The following NRXN3 variants were observed in gnomAD, a reference collection of about 807,000 sequenced individuals.
NRXN3 encodes the protein neurexin III.
A neutral mutation model predicts 137.6 loss-of-function variants in NRXN3; 32 were observed. That is an observed-to-expected ratio of 0.23 (90% confidence interval 0.18 to 0.31). The LOEUF (loss-of-function observed/expected upper bound fraction) is 0.31, where lower values mean the gene tolerates loss of function less well. Among genes scored for constraint, NRXN3 ranks in the 10% least tolerant of loss-of-function variants. The probability of loss-of-function intolerance (pLI) is 1.00; values close to 1 mark genes in which losing one functional copy is unlikely to be tolerated. For missense variants in NRXN3, 1,574 were observed against 2,062.5 expected, an observed-to-expected ratio of 0.76 and a Z score of 4.59; for synonymous variants, 798 against 784.5, an observed-to-expected ratio of 1.02 and a Z score of -0.29.
At chr14:79,435,552 T>G (rs2095832042) in intron 15 of NRXN3, among the ~76,000 whole-genome samples, 1 of 150,406 alleles carries the variant, frequency 6.6e-6, no homozygotes. Flanking sequence ...GAATACCTCT[T>G]TCTTTTCCTT....
intron 4 of NRXN3, among the ~76,000 whole-genome samples, chr14:78,430,123 A>G (rs531831954): frequency 1.3e-5 from 2 of 152,320 alleles, no homozygotes. Context: ...CTACAGTCCC[A>G]GCCACTCGGG....
chr14:78,724,538 C>CATTAG (rs112804915), intron 8 of NRXN3, among the ~76,000 whole-genome samples: 1 of 151,690 alleles, frequency 6.6e-6, no homozygotes, highest in Non-Finnish European at 1.5e-5. Context: ...AATGAGTGGT[C>CATTAG]AATAGAATAG....
intron 15 of NRXN3, among the ~76,000 whole-genome samples, chr14:79,251,456 A>G (rs1446778981): frequency 1.3e-5 from 2 of 152,192 alleles, no homozygotes; most frequent in Non-Finnish European, 2.9e-5. Context: ...TGATGTCATT[A>G]ACTACAGTAT....
At chr14:79,725,621 C>T (rs1360129338) in intron 19 of NRXN3, among the ~76,000 whole-genome samples, 1 of 152,030 alleles carries the variant, frequency 6.6e-6, no homozygotes, top group Non-Finnish European at 1.5e-5. Context: ...CTTTCTTGTT[C>T]CATTCAAAGA....
chr14:78,620,322 G>A (rs746372434), intron 4 of NRXN3, among the ~76,000 whole-genome samples: 4 of 152,132 alleles, frequency 2.6e-5, no homozygotes, highest in Non-Finnish European at 2.9e-5. Flanking sequence ...TTTGGATAGC[G>A]CAATCCTTAG....
rs116865695 is a variant in NRXN3 at position 78,437,629 on chromosome 14, G to A, written c.757+139769G>A. On this transcript the variant is annotated intron_variant, in intron 4 of 20. Transcript: ENST00000335750. ...CTCTCAAAGTGCTGAGATTACAGGT[G>A]TGATGAGCCCAGCCCATCCTGTGGT... Among the ~76,000 whole-genome samples the A allele has an allele frequency of 3.7e-3, 557 of 152,288 alleles. 24 individuals carry two copies. The East Asian group carries it at 0.066, about 18-fold the overall frequency.
intron 15 of NRXN3, among the ~76,000 whole-genome samples, chr14:79,199,703 T>C (rs532287747): frequency 6.6e-6 from 1 of 152,322 alleles, no homozygotes; most frequent in South Asian, 2.1e-4. Context: ...AAAGTTGGCC[T>C]GGTACTGGAT....
chr14:78,961,999 A>T (rs1163943795), intron 11 of NRXN3, among the ~76,000 whole-genome samples: 1 of 152,206 alleles, frequency 6.6e-6, no homozygotes, highest in Non-Finnish European at 1.5e-5. Flanking sequence ...ACATTCTGAT[A>T]CTGGGCCATA....
intron 15 of NRXN3, among the ~76,000 whole-genome samples, chr14:79,466,345 T>C (rs1037685129): frequency 6.6e-6 from 1 of 152,176 alleles, no homozygotes; most frequent in African/African-American, 2.4e-5. Context: ...CTCAGCACTT[T>C]GGGTGGCCAA....
chr14:78,527,234 C>A (rs975744113), intron 4 of NRXN3, among the ~76,000 whole-genome samples: 5 of 152,192 alleles, frequency 3.3e-5, no homozygotes, highest in Admixed American at 6.5e-5. Context: ...GCTCATGGTA[C>A]TGCAGGCTGT....
chr14:79,387,346 G>A (rs1464881766), intron 15 of NRXN3, among the ~76,000 whole-genome samples: 1 of 152,072 alleles, frequency 6.6e-6, no homozygotes, highest in East Asian at 1.9e-4. Flanking sequence ...AAAGAAACAT[G>A]AAAAAATGCT....
intron 2 of NRXN3, among the ~76,000 whole-genome samples, chr14:78,264,824 G>A (rs1369665504): frequency 6.6e-6 from 1 of 152,228 alleles, no homozygotes; most frequent in Non-Finnish European, 1.5e-5. Context: ...CTCAGCCAGT[G>A]TAGTGGGTCT....
intron 11 of NRXN3, among the ~76,000 whole-genome samples, chr14:78,960,427 C>T (rs2099405880): frequency 6.6e-6 from 1 of 152,082 alleles, no homozygotes. Context: ...TTTAAGGCCC[C>T]CCTAGTGTGT....
intron 8 of NRXN3, chr14:78,753,945 CTG>C (rs1198836210): frequency 6.6e-6 from 1 of 152,146 alleles, no homozygotes; most frequent in Non-Finnish European, 1.5e-5. Context: ...AAAAGATAAA[CTG>C]GGGCACATTC....
intron 4 of NRXN3, among the ~76,000 whole-genome samples, chr14:78,382,776 T>G (rs1410374377): frequency 6.6e-6 from 1 of 152,094 alleles, no homozygotes; most frequent in African/African-American, 2.4e-5. Flanking sequence ...CAATTTGTAC[T>G]TAGGATTCTA....
chr14:79,070,421 G>A (rs2099686160), intron 15 of NRXN3, among the ~76,000 whole-genome samples: 1 of 152,174 alleles, frequency 6.6e-6, no homozygotes, highest in Admixed American at 6.6e-5. Flanking sequence ...AGCTGTGTGT[G>A]TGACAAGAAA....
chr14:79,471,246 G>A (rs1208675133), intron 16 of NRXN3, among the ~76,000 whole-genome samples: 1 of 152,062 alleles, frequency 6.6e-6, no homozygotes, highest in African/African-American at 2.4e-5. Context: ...GCTTCATCTT[G>A]CCTGAAAATT....
intron 3 of NRXN3, among the ~76,000 whole-genome samples, chr14:78,289,457 G>T (rs1449928874): frequency 1.3e-5 from 2 of 152,142 alleles, no homozygotes; most frequent in African/African-American, 2.4e-5. Flanking sequence ...TAGAGGCAAA[G>T]AATCTTAGAG....
intron 8 of NRXN3, among the ~76,000 whole-genome samples, chr14:78,716,440 T>A (rs770107373): frequency 6.6e-6 from 1 of 152,222 alleles, no homozygotes; most frequent in Non-Finnish European, 1.5e-5. Context: ...AAGAAGATTA[T>A]CATTTATTTA....
Sources: gnomAD v4.1 joint callset for allele counts (sites outside exome capture counted in the v4.1 genomes callset) on GRCh38, gnomAD v4.1.1 for gene constraint, MANE v1.5 for transcripts, NCBI Gene and HGNC (gene_info 2026-07-23, HGNC 2026-07-21) for gene names.